DNAJC21: variants seen among roughly 807,000 people sequenced by gnomAD.
DNAJC21 encodes dnaJ homolog subfamily C member 21.
Under a neutral mutation model 72.4 loss-of-function variants are expected in DNAJC21, and 63 were observed. The ratio of observed to expected loss-of-function variants is 0.87; its 90% CI spans 0.71 to 1.07. The LOEUF is 1.07. DNAJC21 is among the 50% of genes least tolerant of loss of function. The pLI is 0.00. For synonymous variants in DNAJC21, 203 were observed against 216.7 expected (o/e 0.94, Z 0.56); for missense variants, 634 against 644.8 (o/e 0.98, Z 0.18).
In DNAJC21 at chr5:34,938,778, A is replaced by G. The variant is rs529659533; in HGVS notation, c.744-80A>G. 9 of 1,406,056 alleles carry G rather than the reference A, an allele frequency of 6.4e-6. 1 individual carries two copies. The Admixed American group carries it at 1.6e-4, about 24-fold the overall frequency. 87.1% of individuals were successfully genotyped at this position (1,406,056 alleles called of 1,614,324 possible). On this transcript the variant is annotated intron_variant, in intron 5 of 11. Transcript: ENST00000648817. ...GTTGGGAGCAAGCTCTCTAGTGGGA[A>G]TGGATTTTAAACCTAAGTAGTAAGT...
intron 1 of DNAJC21, among the ~76,000 whole-genome samples, chr5:34,931,842 G>C (rs1307828990): frequency 1.3e-5 from 2 of 152,156 alleles, no homozygotes; most frequent in African/African-American, 4.8e-5. Context: ...AAAATGACCA[G>C]ATTTGGTGAT....
intron 5 of DNAJC21, 31 bp downstream of exon 5, chr5:34,937,661 G>T: frequency 6.3e-7 from 1 of 1,582,810 alleles, no homozygotes; most frequent in Non-Finnish European, 8.6e-7. Flanking sequence ...CCTCTTCTCA[G>T]TATCGGTGGG....
At position 34,934,712 on chromosome 5, in the gene DNAJC21, A is replaced by G. The variant is rs186925345; in HGVS notation, c.191+804A>G. Among the ~76,000 whole-genome samples, 9 of 152,298 alleles carry G rather than the reference A, an allele frequency of 5.9e-5. No homozygotes were observed. In the East Asian group the frequency reaches 1.7e-3, roughly 29 times the overall value. Reference sequence around the variant, plus strand: ...TCAGATTCTCAATTAACTTTTTGCTACAAGGAAATAGGTTTTAAGCTTTGA... The same window carrying G: ...TCAGATTCTCAATTAACTTTTTGCTGCAAGGAAATAGGTTTTAAGCTTTGA... On this transcript the variant is annotated intron_variant, in intron 2 of 11. Coordinates refer to ENST00000648817, the MANE Select transcript of DNAJC21 (RefSeq NM_001012339.3).
Position 34,937,402 on chromosome 5 carries a change from C to T in DNAJC21, c.515C>T (p.Thr172Ile), listed in dbSNP as rs1385127293. 33 of 1,613,944 alleles carry T rather than the reference C, an allele frequency of 2.0e-5. No homozygotes were observed. The highest frequency in any genetic ancestry group is 2.7e-5 in the Non-Finnish European group (32 of 1,180,048). The change falls in exon 5 of 12, where the codon ACA (threonine) becomes ATA (isoleucine). Residue 172 changes from threonine to isoleucine, a missense_variant. By Grantham distance (89) the Thr-to-Ile change is moderately conservative (BLOSUM62 -1). Transcript: ENST00000648817. ...TTTGCATGGAAGGAAGAATATGATA[C>T]ACGACAGGCTTCAAACCGCTGGGAA... ...KNFAWKEEYDTRQASNRWEKR... is the reference protein window; with the variant it reads ...KNFAWKEEYDIRQASNRWEKR...
Position 34,957,686 on chromosome 5 carries a change from T to G in DNAJC21, c.*2972T>G, listed in dbSNP as rs553958908. The stretch of plus-strand genomic sequence containing the variant: ...TATTTGTAGAAGATTGTCTCTAAAA[T>G]TGTGGTTTAACTCACGCAGGAAGTA... On this transcript the variant is annotated 3_prime_UTR_variant, in exon 12 of 12. Transcript: ENST00000648817. 75 of 152,310 alleles carry G rather than the reference T, an allele frequency of 4.9e-4. No homozygotes were observed. The highest frequency in any genetic ancestry group is 8.1e-4 in the Non-Finnish European group (55 of 68,026). The allele number at this position is 152,310 out of a possible 1,614,324, so 9.4% of individuals were successfully genotyped here.
intron 7 of DNAJC21, among the ~76,000 whole-genome samples, chr5:34,941,560 C>CTTT (rs765889955): frequency 0.018 from 1,402 of 76,020 alleles, 50 homozygotes; most frequent in South Asian, 0.025. Context: ...CTTGTGTTTT[C>CTTT]TTTTTTTTTT....
rs1414955974 is a variant in DNAJC21 at position 34,956,129 on chromosome 5, T to C, written c.*1415T>C. 1 of 152,084 alleles carries C rather than the reference T, an allele frequency of 6.6e-6. No individual in the cohort carries two copies. The highest frequency in any genetic ancestry group is 1.5e-5 in the Non-Finnish European group (1 of 67,956). The allele number at this position is 152,084 out of a possible 1,614,324, so 9.4% of individuals were successfully genotyped here. A position where few individuals can be genotyped will look rare whatever the true frequency, so the allele number is the denominator to read the frequency against. ...AATGTGTGCTTTCTGTACAATGAAG[T>C]TATTGCTTTCCATATATCCTTGAAT... On this transcript the variant is annotated 3_prime_UTR_variant, in exon 12 of 12. Coordinates refer to ENST00000648817, the MANE Select transcript of DNAJC21 (RefSeq NM_001012339.3).
intron 1 of DNAJC21, among the ~76,000 whole-genome samples, chr5:34,930,905 A>G (rs1336841506): frequency 1.3e-5 from 2 of 152,236 alleles, no homozygotes; most frequent in African/African-American, 2.4e-5. Context: ...GGTTAGATTA[A>G]TGGAACAACT....
rs769785123 is a variant in DNAJC21 at position 34,941,222 on chromosome 5, G to A, written c.983+39G>A. 28 of 1,562,904 alleles carry A rather than the reference G, an allele frequency of 1.8e-5. No individual in the cohort carries two copies. In the South Asian group the frequency reaches 2.7e-4, roughly 15 times the overall value. On this transcript the variant is annotated intron_variant, in intron 7 of 11. Coordinates refer to ENST00000648817, the MANE Select transcript of DNAJC21 (RefSeq NM_001012339.3). ...TTTAATTTAATTTAATTTTGAGACA[G>A]GGTCTCACTCTGTCACCAAGGCAGG...
chr5:34,954,417 G>C (rs559334521), intron 11 of DNAJC21, 136 bp from the exon 12 acceptor site: 4 of 1,011,948 alleles, frequency 4.0e-6, no homozygotes, highest in Non-Finnish European at 5.5e-6. Context: ...TTTGTTGAAC[G>C]TGTTTATTAC....
chr5:34,930,454 T>G (rs1334811641), intron 1 of DNAJC21: 1 of 152,088 alleles, frequency 6.6e-6, no homozygotes, highest in Non-Finnish European at 1.5e-5. Flanking sequence ...CGCTGTTTTT[T>G]TTTTCTTTTA....
chr5:34,952,572 GGAAAGTAT>G (rs1357908424), intron 10 of DNAJC21: 1 of 152,114 alleles, frequency 6.6e-6, no homozygotes, highest in Non-Finnish European at 1.5e-5. Flanking sequence ...CACAAATGGG[GGAAAGTAT>G]GAAATGCCAA....
Position 34,955,597 on chromosome 5 carries a change from T to C in DNAJC21, c.*883T>C, listed in dbSNP as rs1349560327. Reference sequence around the variant, plus strand: ...GAAAAGCTTTGTTAATGAAAGATTTTGTGATAGAGCTGATGCTTATACATC... The same window carrying C: ...GAAAAGCTTTGTTAATGAAAGATTTCGTGATAGAGCTGATGCTTATACATC... On this transcript the variant is annotated 3_prime_UTR_variant, in exon 12 of 12. Coordinates refer to ENST00000648817, the MANE Select transcript of DNAJC21 (RefSeq NM_001012339.3). 6.6e-6 allele frequency: 1 copy of C among 152,124 alleles called. No homozygotes were observed. The highest frequency in any genetic ancestry group is 1.5e-5 in the Non-Finnish European group (1 of 68,010). The allele number at this position is 152,124 out of a possible 1,614,324, so 9.4% of individuals were successfully genotyped here.
At chr5:34,932,195 C>T (rs941962924) in intron 1 of DNAJC21, among the ~76,000 whole-genome samples, 9 of 152,056 alleles carry the variant, frequency 5.9e-5, no homozygotes, top group East Asian at 1.9e-4. Context: ...CTGAGGTGGG[C>T]GGATCACCTG....
At chr5:34,938,332 T>C (rs1490164764) in intron 5 of DNAJC21, among the ~76,000 whole-genome samples, 1 of 152,182 alleles carries the variant, frequency 6.6e-6, no homozygotes, top group Non-Finnish European at 1.5e-5. Flanking sequence ...AGCCAGTAAA[T>C]GGTAGAGTCA....
At chr5:34,949,638 C>T (rs186091269) in intron 9 of DNAJC21, 31 of 1,611,176 alleles carry the variant, frequency 1.9e-5, no homozygotes, top group East Asian at 8.9e-5. Flanking sequence ...ATGGAGAGAG[C>T]GAGCACAAAT....
At position 34,929,936 on chromosome 5, in the gene DNAJC21, C is replaced by T. The variant is rs1764527698; in HGVS notation, c.97+20C>T. 4 of 1,538,904 alleles carry T rather than the reference C, an allele frequency of 2.6e-6. No individual in the cohort carries two copies. The highest frequency in any genetic ancestry group is 1.7e-4 in the Middle Eastern group (1 of 5,724). On this transcript the variant is annotated intron_variant, in intron 1 of 11. Coordinates refer to ENST00000648817, the MANE Select transcript of DNAJC21 (RefSeq NM_001012339.3). ...ACCCGGGTAAGTACCTGTCCCGCAG[C>T]CCCCGCGGCCACTCGGAGAAGCCCG... is the stretch of plus-strand genomic sequence containing the variant.
intron 1 of DNAJC21, 67 bp from the exon 2 acceptor site, chr5:34,933,748 G>A: frequency 1.5e-6 from 2 of 1,344,816 alleles, no homozygotes; most frequent in Non-Finnish European, 2.1e-6. Flanking sequence ...ATTTCTGATG[G>A]AAAATGTCTT....
intron 7 of DNAJC21, among the ~76,000 whole-genome samples, 181 bp from the exon 8 acceptor site, chr5:34,944,686 G>A (rs988506830): frequency 6.6e-6 from 1 of 151,820 alleles, no homozygotes; most frequent in Non-Finnish European, 1.5e-5. Context: ...ATCCTGACAC[G>A]TTCTGTTTCT....
Sources: gnomAD v4.1 joint callset for allele counts (sites outside exome capture counted in the v4.1 genomes callset) on GRCh38, gnomAD v4.1.1 for gene constraint, MANE v1.5 for transcripts, NCBI Gene and HGNC (gene_info 2026-07-23, HGNC 2026-07-21) for gene names.